The following MPLKIP variants were observed in gnomAD, a reference collection of about 807,000 sequenced individuals.
MPLKIP encodes M-phase-specific PLK1-interacting protein.
MPLKIP carries 16 observed loss-of-function variants against 16.9 expected under a neutral mutation model. The observed-to-expected ratio is 0.94, with a 90% CI of 0.64 to 1.43. The LOEUF (loss-of-function observed/expected upper bound fraction) is 1.43. Among genes scored for constraint, MPLKIP ranks in the 40% most tolerant of loss-of-function variants. The probability of loss-of-function intolerance (pLI) is 0.00; values close to 1 mark genes in which losing one functional copy is unlikely to be tolerated. For synonymous variants in MPLKIP, 126 were observed against 98.4 expected, an observed-to-expected ratio of 1.28 and a Z score of -1.66; for missense variants, 282 against 237.6, an observed-to-expected ratio of 1.19 and a Z score of -1.23.
In MPLKIP at chr7:40,132,840, T is replaced by C. The variant is rs938541040; in HGVS notation, c.*219A>G. The stretch of plus-strand genomic sequence containing the variant: ...ATGTTAAATATATGGAAACGGTAAA[T>C]CTCTAAAATGTGGTAGGTACTTCCA... On this transcript the variant is annotated 3_prime_UTR_variant, in exon 2 of 2. Coordinates refer to ENST00000306984, the MANE Select transcript of MPLKIP (RefSeq NM_138701.4). 3.5e-6 allele frequency: 2 copies of C among 565,218 alleles called. No individual in the cohort carries two copies. Among genetic ancestry groups the C allele is most frequent in the Non-Finnish European group, 6.3e-6 (2 of 317,274 alleles). 35.0% of individuals were successfully genotyped at this position (565,218 alleles called of 1,614,324 possible). A position where few individuals can be genotyped will look rare whatever the true frequency, so the allele number is the denominator to read the frequency against.
intron 1 of MPLKIP, among the ~76,000 whole-genome samples, chr7:40,133,917 T>C (rs1787526269): frequency 6.8e-6 from 1 of 147,370 alleles, no homozygotes; most frequent in South Asian, 2.2e-4. Context: ...GAAAAAGAAC[T>C]ATTTCTTGAA....
Position 40,134,491 on chromosome 7 carries a change from C to T in MPLKIP, c.77G>A (p.Ser26Asn), listed in dbSNP as rs1040843591. ...GCCCCCGCCCGGGGTTCCCCGGAAG[C>T]TGCTTCCGCTACCCCAACCTCCTCC... ...PGGGGWGSGSSFRGTPGGGGP... is the reference protein window; with the variant it reads ...PGGGGWGSGSNFRGTPGGGGP... The change falls in exon 1 of 2, where the codon AGC (serine) becomes AAC (asparagine). Residue 26 changes from serine (S) to asparagine (N), a missense_variant. Transcript: ENST00000306984. 3.2e-6 allele frequency: 5 copies of T among 1,579,978 alleles called. No homozygotes were observed. The highest frequency in any genetic ancestry group is 4.3e-6 in the Non-Finnish European group (5 of 1,164,642).
rs1333022305 is a variant in MPLKIP, at chr7:40,127,579, A to T, written c.*5480T>A. The T allele has an allele frequency of 6.6e-6, 1 of 152,018 alleles. No homozygotes were observed. Among genetic ancestry groups the T allele is most frequent in the Non-Finnish European group, 1.5e-5 (1 of 67,986 alleles). The allele number at this position is 152,018 out of a possible 1,614,324, so 9.4% of individuals were successfully genotyped here. A position where few individuals can be genotyped will look rare whatever the true frequency, so the allele number is the denominator to read the frequency against. ...AAAGAAAAGTATTGTATGGTATTTT[A>T]TCAAACTAAGACATGTATTTAACAT... On this transcript the variant is annotated 3_prime_UTR_variant, in exon 2 of 2. Coordinates refer to ENST00000306984, the MANE Select transcript of MPLKIP (RefSeq NM_138701.4).
In MPLKIP at chr7:40,131,955, A is replaced by C. The variant is rs1787469342; in HGVS notation, c.*1104T>G. 6.6e-6 allele frequency: 1 copy of C among 152,200 alleles called. No homozygotes were observed. The highest frequency in any genetic ancestry group is 2.1e-4 in the South Asian group (1 of 4,828). 9.4% of individuals were successfully genotyped at this position (152,200 alleles called of 1,614,324 possible). Reference sequence around the variant, plus strand: ...CAGCTACTCAGGAGCCGAAGGTTGCAGTGAGCCAAGATTGCACCACTGCAC... The same window carrying C: ...CAGCTACTCAGGAGCCGAAGGTTGCCGTGAGCCAAGATTGCACCACTGCAC... On this transcript the variant is annotated 3_prime_UTR_variant, in exon 2 of 2. Transcript: ENST00000306984.
chr7:40,129,369 GC>G lies in MPLKIP; in HGVS notation c.*3689del. ...CCTCCTGGGTTCAAGTGATTCTTCTGCCTCAGCCTCCCCAGTAGCTGGTATT... is the reference window on the plus strand; with the variant it reads ...CCTCCTGGGTTCAAGTGATTCTTCTGCTCAGCCTCCCCAGTAGCTGGTATT... On this transcript the variant is annotated 3_prime_UTR_variant, in exon 2 of 2. Transcript: ENST00000306984. 6.6e-6 allele frequency: 1 copy of G among 151,384 alleles called. No homozygotes were observed. Among genetic ancestry groups the G allele is most frequent in the Non-Finnish European group, 1.5e-5 (1 of 68,006 alleles). 9.4% of individuals were successfully genotyped at this position (151,384 alleles called of 1,614,324 possible).
At position 40,134,582 on chromosome 7, in the gene MPLKIP, C is replaced by T; in HGVS notation, c.-15G>A. The stretch of plus-strand genomic sequence containing the variant: ...TGTCGCTGCATATCAGGAGCCAAAG[C>T]CGAAAACCTCGCAGCCGCGTTCTCC... On this transcript the variant is annotated 5_prime_UTR_variant, in exon 1 of 2. Coordinates refer to ENST00000306984, the MANE Select transcript of MPLKIP (RefSeq NM_138701.4). 1 of 1,572,620 alleles carries T rather than the reference C, an allele frequency of 6.4e-7. No individual in the cohort carries two copies. The highest frequency in any genetic ancestry group is 8.6e-7 in the Non-Finnish European group (1 of 1,162,118).
rs1787444865 is a variant in MPLKIP, at chr7:40,130,326, TAAAA to T, written c.*2729_*2732del. 1 of 152,136 alleles carries T rather than the reference TAAAA, an allele frequency of 6.6e-6. No homozygotes were observed. Among genetic ancestry groups the T allele is most frequent in the African/African-American group, 2.4e-5 (1 of 41,430 alleles). 9.4% of individuals were successfully genotyped at this position (152,136 alleles called of 1,614,324 possible). On this transcript the variant is annotated 3_prime_UTR_variant, in exon 2 of 2. Coordinates refer to ENST00000306984, the MANE Select transcript of MPLKIP (RefSeq NM_138701.4). ...AATCAATTCCTTTTACTCAGATAAA[TAAAA>T]ATAGAGTAACGGTAACAAACCAAAT...
At chr7:40,134,172 T>A in intron 1 of MPLKIP, 57 bp downstream of exon 1, 1 of 1,521,502 alleles carries the variant, frequency 6.6e-7, no homozygotes, top group Non-Finnish European at 8.9e-7. Flanking sequence ...AAAGGGAATA[T>A]TAGTACCGTG....
At chr7:40,133,461 A>G (rs1787505121) in intron 1 of MPLKIP, among the ~76,000 whole-genome samples, 1 of 152,148 alleles carries the variant, frequency 6.6e-6, no homozygotes, top group Non-Finnish European at 1.5e-5. Flanking sequence ...CGTTATTCTC[A>G]TTTATTTATA....
chr7:40,134,392 C>A lies in MPLKIP; in HGVS notation c.176G>T (p.Arg59Met). The A allele has an allele frequency of 6.4e-7, 1 of 1,561,180 alleles. No individual in the cohort carries two copies. Among genetic ancestry groups the A allele is most frequent in the Non-Finnish European group, 8.7e-7 (1 of 1,154,254 alleles). Reference protein sequence around the residue: ...HHTPPYGPRSRPYGSSHSPRH... With the variant: ...HHTPPYGPRSMPYGSSHSPRH... Reference sequence around the variant, plus strand: ...CGGAGAGTGACTGCTCCCGTACGGCCTAGACCGGGGCCCGTACGGCGGCGT... The same window carrying A: ...CGGAGAGTGACTGCTCCCGTACGGCATAGACCGGGGCCCGTACGGCGGCGT... Residue 59 changes from arginine (R) to methionine (M), a missense_variant, in exon 1 of 2, where the codon AGG (arginine) becomes ATG (methionine). By Grantham distance (91) the Arg-to-Met change is moderately conservative. Transcript: ENST00000306984.
Position 40,126,114 on chromosome 7 carries a change from T to C in MPLKIP, c.*6945A>G, listed in dbSNP as rs947096899. On this transcript the variant is annotated 3_prime_UTR_variant, in exon 2 of 2. Coordinates refer to ENST00000306984, the MANE Select transcript of MPLKIP (RefSeq NM_138701.4). Reference sequence around the variant, plus strand: ...ATATCCACTCACACATCCATGTCCATCTGAAGCTTGTATCTCCCTGAACCC... The same window carrying C: ...ATATCCACTCACACATCCATGTCCACCTGAAGCTTGTATCTCCCTGAACCC... The C allele has an allele frequency of 3.3e-5, 5 of 152,230 alleles. No individual in the cohort carries two copies. The highest frequency in any genetic ancestry group is 1.2e-4 in the African/African-American group (5 of 41,462). 9.4% of individuals were successfully genotyped at this position (152,230 alleles called of 1,614,324 possible). A position where few individuals can be genotyped will look rare whatever the true frequency, so the allele number is the denominator to read the frequency against.
rs201269559 is a variant in MPLKIP, at chr7:40,134,519, C to G, written c.49G>C (p.Gly17Arg). 596 of 1,594,404 alleles carry G rather than the reference C, an allele frequency of 3.7e-4. 3 individuals are homozygous for G. Among genetic ancestry groups the G allele is most frequent in the Non-Finnish European group, 7.7e-5 (90 of 1,172,108 alleles). Residue 17 changes from glycine to arginine, a missense_variant, in exon 1 of 2, where the codon GGT (glycine) becomes CGT (arginine). Physicochemically the swap from Gly to Arg is moderately radical, Grantham distance 125. Transcript: ENST00000306984. ...CTTCCGCTACCCCAACCTCCTCCACCCGGACCAGGGTAAGGAGGAGTTGGG... is the reference window on the plus strand; with the variant it reads ...CTTCCGCTACCCCAACCTCCTCCACGCGGACCAGGGTAAGGAGGAGTTGGG... Reference protein sequence around the residue: ...RPPTPPYPGPGGGGWGSGSSF... With the variant: ...RPPTPPYPGPRGGGWGSGSSF...
chr7:40,127,529 A>G lies in MPLKIP; in HGVS notation c.*5530T>C, dbSNP rs764883373. ...GCAGGAGTTGGAGACCAGCCTGGGC[A>G]ACATAGCAGGATCGGTCTCAAAAAA... On this transcript the variant is annotated 3_prime_UTR_variant, in exon 2 of 2. Coordinates refer to ENST00000306984, the MANE Select transcript of MPLKIP (RefSeq NM_138701.4). 4 of 152,132 alleles carry G rather than the reference A, an allele frequency of 2.6e-5. No homozygotes were observed. The highest frequency in any genetic ancestry group is 5.9e-5 in the Non-Finnish European group (4 of 68,050). The allele number at this position is 152,132 out of a possible 1,614,324, so 9.4% of individuals were successfully genotyped here. A position where few individuals can be genotyped will look rare whatever the true frequency, so the allele number is the denominator to read the frequency against.
intron 1 of MPLKIP, 149 bp downstream of exon 1, chr7:40,134,080 C>T: frequency 2.3e-6 from 2 of 879,636 alleles, no homozygotes; most frequent in Admixed American, 5.0e-5. Flanking sequence ...AGTCACTCAA[C>T]TTCTCTAAGC....
At position 40,130,921 on chromosome 7, in the gene MPLKIP, G is replaced by A. The variant is rs1011330262; in HGVS notation, c.*2138C>T. 1.3e-5 allele frequency: 2 copies of A among 152,112 alleles called. No individual in the cohort carries two copies. The highest frequency in any genetic ancestry group is 1.5e-5 in the Non-Finnish European group (1 of 68,026). The allele number at this position is 152,112 out of a possible 1,614,324, so 9.4% of individuals were successfully genotyped here. On this transcript the variant is annotated 3_prime_UTR_variant, in exon 2 of 2. Transcript: ENST00000306984. ...ATTTCTACATCCATTTATCACTTAA[G>A]TACCTACTATCTTGCAGACACTATT...
rs774530760 is a variant in MPLKIP at position 40,134,596 on chromosome 7, G to A, written c.-29C>T. On this transcript the variant is annotated 5_prime_UTR_variant, in exon 1 of 2. Transcript: ENST00000306984. ...AGGAGCCAAAGCCGAAAACCTCGCA[G>A]CCGCGTTCTCCCACCGGAACTGTAT... 8 of 1,554,792 alleles carry A rather than the reference G, an allele frequency of 5.1e-6. No homozygotes were observed. The highest frequency in any genetic ancestry group is 2.4e-5 in the South Asian group (2 of 84,958).
rs1242533460 is a variant in MPLKIP at position 40,134,419 on chromosome 7, T to A, written c.149A>T (p.His50Leu). The change falls in exon 1 of 2, where the codon CAC becomes CTC. Residue 50 changes from histidine to leucine, a missense_variant. Transcript: ENST00000306984. ...AGACCGGGGCCCGTACGGCGGCGTGTGGTGCGGACTCCCGTACCCGTCTCG... is the reference window on the plus strand; with the variant it reads ...AGACCGGGGCCCGTACGGCGGCGTGAGGTGCGGACTCCCGTACCCGTCTCG... ...SPRDGYGSPH[H>L]TPPYGPRSRP... 3 of 1,564,286 alleles carry A rather than the reference T, an allele frequency of 1.9e-6. No individual in the cohort carries two copies. The Admixed American group carries it at 5.7e-5, about 29-fold the overall frequency.
rs1787458659 is a variant in MPLKIP, at chr7:40,131,268, T to C, written c.*1791A>G. ...GAAATACCTAATGAACAAATTTCTGTGGGTATGGTTCAAATAGGAGGTGTG... is the reference window on the plus strand; with the variant it reads ...GAAATACCTAATGAACAAATTTCTGCGGGTATGGTTCAAATAGGAGGTGTG... On this transcript the variant is annotated 3_prime_UTR_variant, in exon 2 of 2. Coordinates refer to ENST00000306984, the MANE Select transcript of MPLKIP (RefSeq NM_138701.4). The C allele has an allele frequency of 6.6e-6, 1 of 152,166 alleles. No homozygotes were observed. 9.4% of individuals were successfully genotyped at this position (152,166 alleles called of 1,614,324 possible).
At position 40,126,819 on chromosome 7, in the gene MPLKIP, T is replaced by A. The variant is rs1048007562; in HGVS notation, c.*6240A>T. 9 of 147,670 alleles carry A rather than the reference T, an allele frequency of 6.1e-5. No homozygotes were observed. The highest frequency in any genetic ancestry group is 2.2e-4 in the African/African-American group (9 of 40,794). The allele number at this position is 147,670 out of a possible 1,614,324, so 9.1% of individuals were successfully genotyped here. ...AAGCCGATTTTCTTTTTTTTTTTTT[T>A]ATTTTGAGACAGAGTCTCGCTCTGT... On this transcript the variant is annotated 3_prime_UTR_variant, in exon 2 of 2. Transcript: ENST00000306984.
Sources: gnomAD v4.1 joint callset for allele counts (sites outside exome capture counted in the v4.1 genomes callset) on GRCh38, gnomAD v4.1.1 for gene constraint, MANE v1.5 for transcripts, NCBI Gene and HGNC (gene_info 2026-07-23, HGNC 2026-07-21) for gene names.